Variants in GUCY1A2 observed in about 807,000 individuals in gnomAD.
GUCY1A2 encodes the protein guanylate cyclase 1 soluble subunit alpha 2.
A neutral mutation model predicts 63.5 loss-of-function variants in GUCY1A2; 27 were observed. The observed-to-expected ratio is 0.43, with a 90% confidence interval of 0.31 to 0.59. The LOEUF (loss-of-function observed/expected upper bound fraction) is 0.59. GUCY1A2 is among the 20% of genes least tolerant of loss of function. GUCY1A2 has a pLI of 0.11. For missense variants in GUCY1A2, 768 were observed against 913.3 expected, an observed-to-expected ratio of 0.84 and a Z score of 2.05; for synonymous variants, 364 against 343.5, an observed-to-expected ratio of 1.06 and a Z score of -0.66.
intron 4 of GUCY1A2, among the ~76,000 whole-genome samples, chr11:106,839,289 T>A (rs1265318738): frequency 6.6e-6 from 1 of 151,936 alleles, no homozygotes; most frequent in Non-Finnish European, 1.5e-5. Flanking sequence ...TAGTTGTAGA[T>A]GTGTGGTATT....
intron 6 of GUCY1A2, among the ~76,000 whole-genome samples, chr11:106,715,747 C>G (rs659722): frequency 0.013 from 1,991 of 152,286 alleles, 24 homozygotes; most frequent in Middle Eastern, 0.027. Context: ...AGCTTTTACT[C>G]TTATTGATTG....
At chr11:106,810,556 T>A in intron 4 of GUCY1A2, 78 bp from the exon 5 acceptor site, 2 of 1,228,166 alleles carry the variant, frequency 1.6e-6, no homozygotes, top group Non-Finnish European at 1.1e-6. Context: ...ATCTGATGAA[T>A]AGAAAGAAAA....
At chr11:106,688,789 T>G (rs1428476323) in intron 7 of GUCY1A2, among the ~76,000 whole-genome samples, 5 of 152,114 alleles carry the variant, frequency 3.3e-5, no homozygotes, top group Non-Finnish European at 7.4e-5. Flanking sequence ...TAGATGTTAT[T>G]TAAAGGCATA....
At chr11:106,754,756 C>A (rs1449069479) in intron 6 of GUCY1A2, among the ~76,000 whole-genome samples, 1 of 152,058 alleles carries the variant, frequency 6.6e-6, no homozygotes, top group Non-Finnish European at 1.5e-5. Flanking sequence ...ATTTGGTTTG[C>A]CAGTATTTTA....
chr11:106,975,524 T>C (rs572099864), intron 3 of GUCY1A2, among the ~76,000 whole-genome samples: 1 of 152,304 alleles, frequency 6.6e-6, no homozygotes, highest in East Asian at 1.9e-4. Context: ...GGGAGGGCAC[T>C]GTCTACTATC....
intron 6 of GUCY1A2, chr11:106,746,510 T>C: frequency 9.7e-7 from 1 of 1,035,446 alleles, no homozygotes; most frequent in Non-Finnish European, 1.5e-6. Flanking sequence ...TGCATAGCTG[T>C]ATCCTCTGTT....
At chr11:106,895,151 G>T (rs999058261) in intron 4 of GUCY1A2, among the ~76,000 whole-genome samples, 3 of 152,050 alleles carry the variant, frequency 2.0e-5, no homozygotes, top group African/African-American at 2.4e-5. Context: ...AGATAAAATG[G>T]ATCAATTCCT....
intron 4 of GUCY1A2, among the ~76,000 whole-genome samples, chr11:106,884,074 C>T (rs956637218): frequency 6.6e-6 from 1 of 151,988 alleles, no homozygotes; most frequent in Admixed American, 6.6e-5. Flanking sequence ...GGAGATACAC[C>T]TAATATAAAT....
rs1862414671 is a variant in GUCY1A2 at position 106,680,521 on chromosome 11, T to G, written c.*7028A>C. On this transcript the variant is annotated 3_prime_UTR_variant, in exon 8 of 8. Coordinates refer to ENST00000526355, the MANE Select transcript of GUCY1A2 (RefSeq NM_000855.3). ...TACTTAAGTCTAATATAAAGAATGA[T>G]CTGATCAGCAACTAGCTGAATTAAC... is the stretch of plus-strand genomic sequence containing the variant. 1 of 198,126 alleles carries G rather than the reference T, an allele frequency of 5.0e-6. No homozygotes were observed. Among genetic ancestry groups the G allele is most frequent in the Non-Finnish European group, 1.0e-5 (1 of 95,944 alleles). 12.3% of individuals were successfully genotyped at this position (198,126 alleles called of 1,614,324 possible).
At chr11:106,837,922 T>C (rs773045783) in intron 4 of GUCY1A2, among the ~76,000 whole-genome samples, 7 of 151,954 alleles carry the variant, frequency 4.6e-5, no homozygotes, top group Non-Finnish European at 8.8e-5. Flanking sequence ...GAACATGCAG[T>C]CTGGTCACCA....
At chr11:106,776,999 A>G (rs1864369217) in intron 5 of GUCY1A2, among the ~76,000 whole-genome samples, 1 of 152,124 alleles carries the variant, frequency 6.6e-6, no homozygotes, top group Non-Finnish European at 1.5e-5. Flanking sequence ...ATTGTTCCAC[A>G]CTTTTAGATA....
At chr11:106,723,128 C>CT (rs1457114179) in intron 6 of GUCY1A2, among the ~76,000 whole-genome samples, 2 of 152,196 alleles carry the variant, frequency 1.3e-5, no homozygotes, top group African/African-American at 4.8e-5. Flanking sequence ...ATTGTTTCCT[C>CT]TGACTGTGCC....
At position 106,779,217 on chromosome 11, in the gene GUCY1A2, G is replaced by T. The variant is rs138432444; in HGVS notation, c.1693-2635C>A. Reference sequence around the variant, plus strand: ...TTCACTTTAAGACCTGTTTTCTGATGCCAGAAAAATGAAAATAAAATTATA... The same window carrying T: ...TTCACTTTAAGACCTGTTTTCTGATTCCAGAAAAATGAAAATAAAATTATA... On this transcript the variant is annotated intron_variant, in intron 5 of 7. Coordinates refer to ENST00000526355, the MANE Select transcript of GUCY1A2 (RefSeq NM_000855.3). 4.0e-3 allele frequency among the ~76,000 whole-genome samples: 611 copies of T among 152,112 alleles called. 6 individuals are homozygous for T. Among genetic ancestry groups the T allele is most frequent in the African/African-American group, 0.014 (590 of 41,524 alleles).
At chr11:107,008,870 T>C (rs908970518) in intron 1 of GUCY1A2, among the ~76,000 whole-genome samples, 15 of 152,186 alleles carry the variant, frequency 9.9e-5, no homozygotes, top group African/African-American at 3.4e-4. Flanking sequence ...TGAAGAAGCA[T>C]AGACATAAAG....
At chr11:106,969,653 G>C (rs1268410524) in intron 3 of GUCY1A2, among the ~76,000 whole-genome samples, 1 of 152,152 alleles carries the variant, frequency 6.6e-6, no homozygotes, top group Non-Finnish European at 1.5e-5. Context: ...TAAGCTATGA[G>C]TTTGACATAT....
At chr11:106,734,847 A>G (rs531266726) in intron 6 of GUCY1A2, among the ~76,000 whole-genome samples, 1 of 152,234 alleles carries the variant, frequency 6.6e-6, no homozygotes, top group East Asian at 1.9e-4. Context: ...GAATGTTTGC[A>G]ATCACTAGGA....
Position 106,990,585 on chromosome 11 carries a change from C to CTGTGTGTG in GUCY1A2, c.304-4462_304-4455dup, listed in dbSNP as rs139110040. ...AGAGTAAAGATGTGTCTCTCTCTCT[C>CTGTGTGTG]TGTGTGTGTGTGTGTGCGCGCACGC... is the stretch of plus-strand genomic sequence containing the variant. On this transcript the variant is annotated intron_variant, in intron 1 of 7. Coordinates refer to ENST00000526355, the MANE Select transcript of GUCY1A2 (RefSeq NM_000855.3). Among the ~76,000 whole-genome samples, 76 of 151,852 alleles carry CTGTGTGTG rather than the reference C, an allele frequency of 5.0e-4. 2 individuals are homozygous for CTGTGTGTG. The South Asian group carries it at 8.1e-3, about 16-fold the overall frequency.
At chr11:106,742,392 A>G (rs1591257688) in intron 6 of GUCY1A2, among the ~76,000 whole-genome samples, 1 of 151,984 alleles carries the variant, frequency 6.6e-6, no homozygotes, top group South Asian at 2.1e-4. Flanking sequence ...TCATGTGTCC[A>G]TGTGTTCTCA....
In GUCY1A2 at chr11:106,827,878, G is replaced by A. The variant is rs574873889; in HGVS notation, c.1207-17400C>T. On this transcript the variant is annotated intron_variant, in intron 4 of 7. Transcript: ENST00000526355. The stretch of plus-strand genomic sequence containing the variant: ...AACTTCCCTGCAGTCATGGGAGGGC[G>A]CGCTGCCTTCATGCTGCCGGACTCC... The A allele has an allele frequency of 1.0e-5, 16 of 1,582,900 alleles. No homozygotes were observed. The African/African-American group carries it at 1.1e-4, about 11-fold the overall frequency.
Sources: gnomAD v4.1 joint callset for allele counts (sites outside exome capture counted in the v4.1 genomes callset) on GRCh38, gnomAD v4.1.1 for gene constraint, MANE v1.5 for transcripts, NCBI Gene and HGNC (gene_info 2026-07-23, HGNC 2026-07-21) for gene names.